SYT14: variants seen among roughly 807,000 people sequenced by gnomAD.
SYT14 encodes synaptotagmin 14.
Under a neutral mutation model 74.2 loss-of-function variants are expected in SYT14, and 32 were observed. That is an observed-to-expected ratio of 0.43 (90% CI 0.33 to 0.58). The LOEUF (loss-of-function observed/expected upper bound fraction) is 0.58. Ranked by LOEUF, SYT14 falls within the 20% of genes least tolerant of loss-of-function variation. The pLI is 0.05. For missense variants in SYT14, 791 were observed against 981.8 expected (o/e 0.81, Z 2.60); for synonymous variants, 298 against 337.7 (o/e 0.88, Z 1.29).
intron 5 of SYT14, among the ~76,000 whole-genome samples, chr1:210,061,973 G>T (rs1159883542): frequency 6.6e-6 from 1 of 151,606 alleles, no homozygotes; most frequent in South Asian, 2.1e-4. Flanking sequence ...ATAGTGTAAA[G>T]ATCTATTATA....
chr1:210,037,361 A>C (rs747513134), intron 5 of SYT14, among the ~76,000 whole-genome samples: 1 of 151,840 alleles, frequency 6.6e-6, no homozygotes, highest in Non-Finnish European at 1.5e-5. Context: ...AATTTTGATT[A>C]TCTTTTCAAA....
At chr1:209,979,089 C>T (rs575999349) in intron 2 of SYT14, among the ~76,000 whole-genome samples, 20 of 152,270 alleles carry the variant, frequency 1.3e-4, no homozygotes, top group South Asian at 4.1e-4. Context: ...CCCAATTTTC[C>T]GGGTGCCGTC....
intron 1 of SYT14, among the ~76,000 whole-genome samples, chr1:209,939,480 G>T (rs1484463917): frequency 1.3e-5 from 2 of 152,300 alleles, no homozygotes; most frequent in Middle Eastern, 6.8e-3. Context: ...TTAAGAGAGG[G>T]AGTACCTATT....
intron 2 of SYT14, chr1:209,953,179 T>G: frequency 7.8e-7 from 1 of 1,288,104 alleles, no homozygotes; most frequent in Non-Finnish European, 1.0e-6. Flanking sequence ...CACAACATCC[T>G]TTGACACCAA....
intron 5 of SYT14, among the ~76,000 whole-genome samples, chr1:210,044,133 C>T (rs566089790): frequency 3.9e-5 from 6 of 152,216 alleles, no homozygotes; most frequent in African/African-American, 1.4e-4. Context: ...GTGCCAATGT[C>T]GTAAATAGAA....
At chr1:209,948,292 C>T (rs1260118885) in intron 1 of SYT14, among the ~76,000 whole-genome samples, 2 of 152,140 alleles carry the variant, frequency 1.3e-5, no homozygotes, top group African/African-American at 4.8e-5. Context: ...TTTAAAATCC[C>T]AGTTTCCAGT....
intron 7 of SYT14, among the ~76,000 whole-genome samples, chr1:210,114,426 C>T (rs1213614267): frequency 1.3e-5 from 2 of 151,242 alleles, no homozygotes; most frequent in African/African-American, 2.5e-5. Flanking sequence ...ACCTTGAAGG[C>T]GAGGTTAATC....
intron 5 of SYT14, among the ~76,000 whole-genome samples, chr1:210,075,029 T>C (rs891931613): frequency 1.7e-4 from 26 of 152,350 alleles, no homozygotes; most frequent in African/African-American, 6.3e-4. Flanking sequence ...CAAGGTTTTA[T>C]TGAGCGCAAG....
At chr1:210,163,102 A>G (rs1230708563) in exon 10 of SYT14, 3 of 453,362 alleles carry the variant, frequency 6.6e-6, no homozygotes, top group Admixed American at 4.7e-5. Context: ...CTTTGAAACA[A>G]CTGACTGCAT....
chr1:209,979,609 C>A (rs576279193), intron 2 of SYT14, among the ~76,000 whole-genome samples: 1 of 152,080 alleles, frequency 6.6e-6, no homozygotes, highest in Non-Finnish European at 1.5e-5. Context: ...CCTGCTGCCC[C>A]CTACTCTCCA....
At chr1:209,950,089 T>G (rs1406583483) in intron 1 of SYT14, among the ~76,000 whole-genome samples, 1 of 152,174 alleles carries the variant, frequency 6.6e-6, no homozygotes, top group African/African-American at 2.4e-5. Context: ...CAGTTAAGAT[T>G]AGGTGTATGT....
At chr1:210,028,379 A>G (rs1036341558) in intron 5 of SYT14, among the ~76,000 whole-genome samples, 12 of 144,626 alleles carry the variant, frequency 8.3e-5, no homozygotes, top group Non-Finnish European at 1.7e-4. Flanking sequence ...CCATCTCTAG[A>G]ACTCTTTTCA....
intron 5 of SYT14, among the ~76,000 whole-genome samples, chr1:210,023,081 A>C (rs2080335797): frequency 6.6e-6 from 1 of 151,956 alleles, no homozygotes; most frequent in Non-Finnish European, 1.5e-5. Flanking sequence ...TTTTTTACAC[A>C]TTTCTACCCT....
At chr1:210,079,990 T>C (rs759818371) in intron 5 of SYT14, among the ~76,000 whole-genome samples, 10 of 152,252 alleles carry the variant, frequency 6.6e-5, no homozygotes, top group Non-Finnish European at 1.3e-4. Flanking sequence ...TTTGTTGATA[T>C]TGAGTTGTCC....
At chr1:210,049,967 T>TGCCC (rs1161542433) in intron 5 of SYT14, among the ~76,000 whole-genome samples, 2 of 152,218 alleles carry the variant, frequency 1.3e-5, no homozygotes, top group Admixed American at 1.3e-4. Flanking sequence ...ACCTCTGACA[T>TGCCC]GCCCTGGAGA....
At chr1:210,163,727 T>G (rs1350737905) in exon 10 of SYT14, 1 of 452,860 alleles carries the variant, frequency 2.2e-6, no homozygotes. Flanking sequence ...TGTCTGTTCT[T>G]TTAGAAAAGG....
intron 5 of SYT14, among the ~76,000 whole-genome samples, chr1:210,047,048 T>G (rs2080898188): frequency 6.6e-6 from 1 of 152,130 alleles, no homozygotes; most frequent in East Asian, 1.9e-4. Context: ...TATAATTAAT[T>G]AATTTTATAT....
intron 2 of SYT14, among the ~76,000 whole-genome samples, chr1:210,002,906 T>C (rs1187579262): frequency 6.6e-6 from 1 of 152,166 alleles, no homozygotes; most frequent in Non-Finnish European, 1.5e-5. Flanking sequence ...GCCTAGTCAT[T>C]ATATCTTTTG....
chr1:210,128,171 G>A (rs1243634431), intron 7 of SYT14, among the ~76,000 whole-genome samples: 6 of 152,068 alleles, frequency 3.9e-5, no homozygotes, highest in African/African-American at 9.7e-5. Flanking sequence ...TCAGAAGTTC[G>A]AGACCAACCT....
Sources: gnomAD v4.1 joint callset for allele counts (sites outside exome capture counted in the v4.1 genomes callset) on GRCh38, gnomAD v4.1.1 for gene constraint, MANE v1.5 for transcripts, NCBI Gene and HGNC (gene_info 2026-07-23, HGNC 2026-07-21) for gene names.